BNC2: variants seen among roughly 807,000 people sequenced by gnomAD.
BNC2 encodes zinc finger protein basonuclin-2.
BNC2 carries 20 observed loss-of-function variants against 76.3 expected under a neutral mutation model. That is an observed-to-expected ratio of 0.26 (90% CI 0.18 to 0.38). The LOEUF is 0.38. Ranked by LOEUF, BNC2 falls within the 10% of genes least tolerant of loss-of-function variation. The pLI, the probability that BNC2 is intolerant of heterozygous loss-of-function variation, is 1.00. For missense variants in BNC2, 1,382 were observed against 1,399.8 expected (o/e 0.99, Z 0.20); for synonymous variants, 582 against 514.8 (o/e 1.13, Z -1.77).
At chr9:16,760,475 T>G (rs982364031) in intron 1 of BNC2, among the ~76,000 whole-genome samples, 1 of 151,530 alleles carries the variant, frequency 6.6e-6, no homozygotes, top group African/African-American at 2.4e-5. Flanking sequence ...TGGGAGGAGG[T>G]TGGATAAAAT....
intron 5 of BNC2, among the ~76,000 whole-genome samples, chr9:16,477,407 A>C (rs1004100831): frequency 6.6e-6 from 1 of 152,210 alleles, no homozygotes; most frequent in Non-Finnish European, 1.5e-5. Context: ...TTTCTTAACA[A>C]ATCAAGATTT....
In BNC2 at chr9:16,748,391, T is replaced by C. The variant is rs145209810; in HGVS notation, c.4-9906A>G. On this transcript the variant is annotated intron_variant, in intron 1 of 6. Transcript: ENST00000380672. ...AGTTGGGCATGGTGGTACGTGCCAA[T>C]GGTCCCAGCTACTCCAGAGGCTGAG... 7.2e-3 allele frequency among the ~76,000 whole-genome samples: 1,089 copies of C among 152,198 alleles called. 11 individuals carry two copies. The highest frequency in any genetic ancestry group is 0.024 in the African/African-American group (988 of 41,546).
At chr9:16,712,879 C>T (rs1045617666) in intron 3 of BNC2, among the ~76,000 whole-genome samples, 5 of 152,176 alleles carry the variant, frequency 3.3e-5, no homozygotes, top group African/African-American at 1.2e-4. Flanking sequence ...CTTTGCAATG[C>T]TGACTAGTCC....
At chr9:16,664,333 T>C (rs545945829) in intron 3 of BNC2, among the ~76,000 whole-genome samples, 1 of 152,338 alleles carries the variant, frequency 6.6e-6, no homozygotes, top group African/African-American at 2.4e-5. Context: ...TCCCTAATGC[T>C]GCACTTTGCC....
chr9:16,667,435 T>C (rs1822333259), intron 3 of BNC2, among the ~76,000 whole-genome samples: 1 of 152,212 alleles, frequency 6.6e-6, no homozygotes. Context: ...ATCAACATTG[T>C]AGTTAATTGA....
rs1563887982 is a variant in BNC2, at chr9:16,665,463, AAAG to A, written c.330+62331_330+62333del. 8.5e-3 allele frequency among the ~76,000 whole-genome samples: 1,241 copies of A among 145,924 alleles called. 9 individuals carry two copies. The highest frequency in any genetic ancestry group is 0.012 in the Non-Finnish European group (823 of 66,802). On this transcript the variant is annotated intron_variant, in intron 3 of 6. Coordinates refer to ENST00000380672, the MANE Select transcript of BNC2 (RefSeq NM_017637.6). The stretch of plus-strand genomic sequence containing the variant: ...GAAAGAAAGAAAGAAAGAAAGAAAG[AAAG>A]AAAGAAAGAAAGAAAGAAAGAAAGA...
intron 3 of BNC2, among the ~76,000 whole-genome samples, chr9:16,678,925 T>A (rs970637624): frequency 6.6e-6 from 1 of 152,190 alleles, no homozygotes; most frequent in African/African-American, 2.4e-5. Flanking sequence ...TATAAATATG[T>A]TCCCTTGCTT....
chr9:16,545,390 G>A (rs930240438), intron 5 of BNC2, among the ~76,000 whole-genome samples: 2 of 152,088 alleles, frequency 1.3e-5, no homozygotes, highest in Non-Finnish European at 2.9e-5. Context: ...TGCTTTCTGT[G>A]AATCATTCTA....
chr9:16,459,732 C>A (rs1821534252), intron 5 of BNC2, among the ~76,000 whole-genome samples: 1 of 152,058 alleles, frequency 6.6e-6, no homozygotes, highest in Non-Finnish European at 1.5e-5. Flanking sequence ...ACAAAGATGT[C>A]CCAATTAATC....
intron 5 of BNC2, among the ~76,000 whole-genome samples, chr9:16,442,242 C>T (rs916388418): frequency 1.3e-5 from 2 of 152,028 alleles, no homozygotes; most frequent in Non-Finnish European, 2.9e-5. Flanking sequence ...TGAGTAACAC[C>T]AAATAATATA....
At chr9:16,615,896 A>T (rs1820682920) in intron 3 of BNC2, among the ~76,000 whole-genome samples, 1 of 152,178 alleles carries the variant, frequency 6.6e-6, no homozygotes, top group South Asian at 2.1e-4. Flanking sequence ...CATTTTACAG[A>T]TAAGGAGACT....
intron 1 of BNC2, among the ~76,000 whole-genome samples, chr9:16,853,406 CAAAAA>C (rs34704088): frequency 1.1e-5 from 1 of 86,998 alleles, no homozygotes; most frequent in Non-Finnish European, 2.6e-5. Context: ...GACCTTGTCT[CAAAAA>C]AAAAAAAAAA....
intron 3 of BNC2, among the ~76,000 whole-genome samples, chr9:16,711,367 C>A (rs1823842647): frequency 6.6e-6 from 1 of 152,152 alleles, no homozygotes; most frequent in Non-Finnish European, 1.5e-5. Context: ...CCATTCCTCG[C>A]TAGTTGCAGT....
intron 1 of BNC2, among the ~76,000 whole-genome samples, chr9:16,741,238 G>A (rs1466931375): frequency 1.3e-5 from 2 of 152,122 alleles, no homozygotes; most frequent in African/African-American, 4.8e-5. Flanking sequence ...CGGATCACCT[G>A]AGGTCAGGAG....
Position 16,844,501 on chromosome 9 carries a change from T to C in BNC2, c.3+26145A>G, listed in dbSNP as rs1326902169. On this transcript the variant is annotated intron_variant, in intron 1 of 6. Transcript: ENST00000380672. ...ACGAATATTTTTCTTTTCTTTTTTT[T>C]TTTTTTTTTTTTTTGAGACGGAGTC... is the stretch of plus-strand genomic sequence containing the variant. 1.3e-4 allele frequency among the ~76,000 whole-genome samples: 19 copies of C among 145,512 alleles called. No individual in the cohort carries two copies. In the East Asian group the frequency reaches 3.6e-3, roughly 28 times the overall value.
rs1278640291 is a variant in BNC2 at position 16,659,202 on chromosome 9, ACAATAGTATTACAGT to A, written c.330+68580_330+68594del. On this transcript the variant is annotated intron_variant, in intron 3 of 6. Transcript: ENST00000380672. The stretch of plus-strand genomic sequence containing the variant: ...CACTGACTTAATGCAGAGGGCCCTG[ACAATAGTATTACAGT>A]CAAATTCTATTGTACCGCCATGTAA... 3.3e-5 allele frequency among the ~76,000 whole-genome samples: 5 copies of A among 152,092 alleles called. No homozygotes were observed. In the East Asian group the frequency reaches 9.6e-4, roughly 29 times the overall value.
At chr9:16,550,955 C>T (rs551629008) in intron 5 of BNC2, among the ~76,000 whole-genome samples, 1 of 152,120 alleles carries the variant, frequency 6.6e-6, no homozygotes, top group Non-Finnish European at 1.5e-5. Context: ...CTGTATGCAT[C>T]TTGGGGCCAG....
rs1473647913 is a variant in BNC2, at chr9:16,678,261, C to CTTTCTCT, written c.330+49535_330+49536insAGAGAAA. 1.3e-3 allele frequency among the ~76,000 whole-genome samples: 97 copies of CTTTCTCT among 75,874 alleles called. 1 individual carries two copies. The highest frequency in any genetic ancestry group is 7.4e-3 in the Middle Eastern group (1 of 136). 49.8% of individuals were successfully genotyped at this position (75,874 alleles called of 152,430 possible). ...ACCATAACTTGTAACTGTTTTCTTT[C>CTTTCTCT]TTTTTCTTTTTTTTTTTTTTTTTTT... On this transcript the variant is annotated intron_variant, in intron 3 of 6. Transcript: ENST00000380672.
chr9:16,833,487 A>G (rs1381295274), intron 1 of BNC2, among the ~76,000 whole-genome samples: 4 of 152,218 alleles, frequency 2.6e-5, no homozygotes, highest in Non-Finnish European at 1.5e-5. Flanking sequence ...TTAGCCTCAG[A>G]GCAGTAATGG....
Sources: allele counts gnomAD v4.1 joint callset (sites outside exome capture counted in the v4.1 genomes callset), GRCh38; gene constraint gnomAD v4.1.1; transcripts MANE v1.5; gene names NCBI Gene and HGNC (gene_info 2026-07-23, HGNC 2026-07-21).